CAMTA1: variants seen among roughly 807,000 people sequenced by gnomAD.
The protein encoded by CAMTA1 is calmodulin binding transcription activator 1, also known as calmodulin-binding transcription activator 1.
CAMTA1 carries 27 observed loss-of-function variants against 170.9 expected under a neutral mutation model. The ratio of observed to expected loss-of-function variants is 0.16; its 90% CI spans 0.12 to 0.22. The LOEUF is 0.22. Among genes scored for constraint, CAMTA1 ranks in the 10% least tolerant of loss-of-function variants. The probability of loss-of-function intolerance (pLI) is 1.00; values close to 1 mark genes in which losing one functional copy is unlikely to be tolerated. For missense variants in CAMTA1, 1,619 were observed against 2,217.2 expected (o/e 0.73, Z 5.42); for synonymous variants, 833 against 891.5 (o/e 0.93, Z 1.17).
At chr1:7,032,747 A>G (rs1702980572) in intron 3 of CAMTA1, among the ~76,000 whole-genome samples, 1 of 152,100 alleles carries the variant, frequency 6.6e-6, no homozygotes, top group Admixed American at 6.5e-5. Context: ...TCTGCTGGTC[A>G]TGAATTCTTT....
intron 11 of CAMTA1, among the ~76,000 whole-genome samples, chr1:7,702,863 C>T (rs541022247): frequency 6.6e-6 from 1 of 152,278 alleles, no homozygotes; most frequent in South Asian, 2.1e-4. Flanking sequence ...CCAAGTACCC[C>T]GTTTTGGCAA....
At chr1:7,175,449 A>G (rs199985917) in intron 4 of CAMTA1, among the ~76,000 whole-genome samples, 1 of 152,262 alleles carries the variant, frequency 6.6e-6, no homozygotes, top group East Asian at 1.9e-4. Context: ...CGCTCGCATG[A>G]TAACACAATT....
At chr1:6,988,892 C>T (rs983661700) in intron 3 of CAMTA1, among the ~76,000 whole-genome samples, 12 of 152,202 alleles carry the variant, frequency 7.9e-5, no homozygotes, top group Non-Finnish European at 1.2e-4. Flanking sequence ...GGGAGACCTG[C>T]TCTTTGTAGC....
intron 5 of CAMTA1, among the ~76,000 whole-genome samples, chr1:7,278,328 G>A (rs1389381338): frequency 2.6e-5 from 4 of 152,144 alleles, no homozygotes; most frequent in African/African-American, 9.7e-5. Context: ...ACATCACCAT[G>A]GGGATGTGTG....
At chr1:6,834,451 AT>A in intron 3 of CAMTA1, 2 of 233,248 alleles carry the variant, frequency 8.6e-6, no homozygotes, top group African/African-American at 2.3e-5. Flanking sequence ...TCCTGGTGGC[AT>A]TTTGTCTTTT....
At chr1:7,474,158 C>A (rs2093381300) in intron 6 of CAMTA1, among the ~76,000 whole-genome samples, 1 of 127,222 alleles carries the variant, frequency 7.9e-6, no homozygotes, top group African/African-American at 3.0e-5. Context: ...TGACACTGGG[C>A]AGTTTGTCTA....
intron 3 of CAMTA1, chr1:6,886,270 G>T: frequency 2.2e-6 from 1 of 456,008 alleles, no homozygotes; most frequent in Non-Finnish European, 4.4e-6. Flanking sequence ...GAAAGCAAAT[G>T]TGCAAAGAGC....
chr1:7,234,441 C>A lies in CAMTA1; in HGVS notation c.303-15050C>A, dbSNP rs904540527. Among the ~76,000 whole-genome samples the A allele has an allele frequency of 6.6e-6, 1 of 152,196 alleles. No individual in the cohort carries two copies. Among genetic ancestry groups the A allele is most frequent in the Non-Finnish European group, 1.5e-5 (1 of 68,030 alleles). ...CTGCAGCTCTGGGGCCTGCCCAGGGCGGGCCTCTGTGCGTCATTGTTCTTC... is the reference window on the plus strand; with the variant it reads ...CTGCAGCTCTGGGGCCTGCCCAGGGAGGGCCTCTGTGCGTCATTGTTCTTC... On this transcript the variant is annotated intron_variant, in intron 4 of 22. Transcript: ENST00000303635. This position sits in a 1 kb window ranked among gnomAD's most constrained non-coding sequence, Gnocchi z 5.0.
intron 7 of CAMTA1, among the ~76,000 whole-genome samples, chr1:7,640,904 CAG>C (rs2095755537): frequency 6.6e-6 from 1 of 152,014 alleles, no homozygotes; most frequent in Non-Finnish European, 1.5e-5. Context: ...AAGTATGGAA[CAG>C]GGGAGGGGTG....
Position 7,766,482 on chromosome 1 carries a change from A to G in CAMTA1, c.5013A>G (p.Gln1671=), listed in dbSNP as rs1558337008. ...YKRSERIEKG[Q]GT ...AGAGTGAAAGAATTGAAAAAGGCCA[A>G]GGAACTTGAAGACATACAGCAGCAT... Residue 1671 remains glutamine, a synonymous_variant, in exon 23 of 23, where the codon CAA becomes CAG. Coordinates refer to ENST00000303635, the MANE Select transcript of CAMTA1 (RefSeq NM_015215.4). 6.2e-7 allele frequency: 1 copy of G among 1,614,146 alleles called. No individual in the cohort carries two copies. Among genetic ancestry groups the G allele is most frequent in the Non-Finnish European group, 8.5e-7 (1 of 1,179,986 alleles).
At chr1:7,402,517 G>A (rs779665038) in intron 5 of CAMTA1, among the ~76,000 whole-genome samples, 1 of 152,188 alleles carries the variant, frequency 6.6e-6, no homozygotes, top group Non-Finnish European at 1.5e-5. Flanking sequence ...CGTGAGGAGG[G>A]CATCTTTTCT....
intron 3 of CAMTA1, among the ~76,000 whole-genome samples, chr1:7,045,434 A>G (rs908586410): frequency 6.6e-6 from 1 of 152,230 alleles, no homozygotes; most frequent in African/African-American, 2.4e-5. Context: ...ATCCGGCACC[A>G]AATACCCCCA....
chr1:6,876,507 C>A (rs529469530), intron 3 of CAMTA1, among the ~76,000 whole-genome samples: 2 of 152,130 alleles, frequency 1.3e-5, no homozygotes, highest in East Asian at 3.9e-4. Context: ...GGATTACAGG[C>A]GTGTGCCACC....
At chr1:7,272,165 T>C (rs2149407266) in intron 5 of CAMTA1, among the ~76,000 whole-genome samples, 1 of 152,216 alleles carries the variant, frequency 6.6e-6, no homozygotes, top group East Asian at 1.9e-4. Flanking sequence ...AAGAAGAATA[T>C]AATATTTAGG....
At chr1:7,135,137 A>G (rs1645470495) in intron 4 of CAMTA1, among the ~76,000 whole-genome samples, 1 of 152,192 alleles carries the variant, frequency 6.6e-6, no homozygotes, top group Non-Finnish European at 1.5e-5. Flanking sequence ...CTCTAATCCC[A>G]GCACTTTGGG....
At chr1:7,005,965 C>T (rs908586820) in intron 3 of CAMTA1, among the ~76,000 whole-genome samples, 1 of 152,100 alleles carries the variant, frequency 6.6e-6, no homozygotes. Flanking sequence ...GTGGGATAGA[C>T]CAGGGCAGGG....
rs200239367 is a variant in CAMTA1, at chr1:7,166,045, CG to C, written c.302+74681del. ...ATTTATATGCTAGTGTCTCTCTAAG[CG>C]GGGGGGTGTGTTTACTTGGATACTC... On this transcript the variant is annotated intron_variant, in intron 4 of 22. Transcript: ENST00000303635. Among the ~76,000 whole-genome samples, 991 of 149,680 alleles carry C rather than the reference CG, an allele frequency of 6.6e-3. 4 individuals carry two copies. The highest frequency in any genetic ancestry group is 0.023 in the African/African-American group (945 of 40,890).
intron 3 of CAMTA1, among the ~76,000 whole-genome samples, chr1:6,988,453 T>G (rs1235972634): frequency 6.6e-6 from 1 of 152,172 alleles, no homozygotes; most frequent in Non-Finnish European, 1.5e-5. Context: ...AACCCGAGTA[T>G]TGTACAAAGT....
rs2092283195 is a variant in CAMTA1, at chr1:7,434,462, T to G, written c.439-33368T>G. 2.6e-5 allele frequency among the ~76,000 whole-genome samples: 4 copies of G among 152,130 alleles called. No homozygotes were observed. In the South Asian group the frequency reaches 8.3e-4, roughly 32 times the overall value. On this transcript the variant is annotated intron_variant, in intron 5 of 22. Coordinates refer to ENST00000303635, the MANE Select transcript of CAMTA1 (RefSeq NM_015215.4). ...TTAGGAGGAAAGCACCATTCATTCATTCATTCATTCATTCATTCAGATTCA... is the reference window on the plus strand; with the variant it reads ...TTAGGAGGAAAGCACCATTCATTCAGTCATTCATTCATTCATTCAGATTCA...
Sources: allele counts gnomAD v4.1 joint callset (sites outside exome capture counted in the v4.1 genomes callset), GRCh38; gene constraint gnomAD v4.1.1; non-coding constraint Gnocchi (gnomAD v3.1); transcripts MANE v1.5; gene names NCBI Gene and HGNC (gene_info 2026-07-23, HGNC 2026-07-21).